The following PSMA3 variants were observed in gnomAD, a reference collection of about 807,000 sequenced individuals.
PSMA3 encodes the protein proteasome 20S subunit alpha 3, also known as proteasome subunit alpha type-3.
In PSMA3, 8 loss-of-function variants were observed where a neutral mutation model predicts 40.0. The observed-to-expected ratio is 0.20, with a 90% CI of 0.12 to 0.36. The LOEUF (loss-of-function observed/expected upper bound fraction) is 0.36. PSMA3 is among the 10% of genes least tolerant of loss of function. The pLI is 1.00. For missense variants in PSMA3, 219 were observed against 310.6 expected (o/e 0.70, Z 2.22); for synonymous variants, 110 against 100.0 (o/e 1.10, Z -0.59).
At chr14:58,263,798 A>G (rs1890352330) in intron 7 of PSMA3, 28 bp downstream of exon 7, 1 of 1,594,402 alleles carries the variant, frequency 6.3e-7, no homozygotes. Context: ...AATTTTTACT[A>G]TGTCGTCATC....
At chr14:58,259,408 G>A (rs964321945) in intron 5 of PSMA3, among the ~76,000 whole-genome samples, 2 of 151,990 alleles carry the variant, frequency 1.3e-5, no homozygotes, top group Non-Finnish European at 2.9e-5. Flanking sequence ...TCTGCCTCCC[G>A]GGTTCAAGCT....
intron 3 of PSMA3, among the ~76,000 whole-genome samples, chr14:58,257,178 G>A (rs1890164181): frequency 6.6e-6 from 1 of 151,420 alleles, no homozygotes; most frequent in Non-Finnish European, 1.5e-5. Flanking sequence ...TAGTAAATCA[G>A]GGGAAGAGGA....
At chr14:58,252,347 A>G (rs897422546) in intron 3 of PSMA3, 105 bp downstream of exon 3, 39 of 1,386,660 alleles carry the variant, frequency 2.8e-5, no homozygotes, top group Non-Finnish European at 3.8e-5. Context: ...AGAGCAAGTT[A>G]CTGCATTTGT....
At chr14:58,252,018 C>A in intron 2 of PSMA3, 101 bp from the exon 3 acceptor site, 2 of 1,177,308 alleles carry the variant, frequency 1.7e-6, no homozygotes, top group Non-Finnish European at 2.4e-6. Context: ...AGGTATTTGG[C>A]ATGCCTTAAA....
intron 1 of PSMA3, 24 bp from the exon 2 acceptor site, chr14:58,247,726 T>C: frequency 6.7e-7 from 1 of 1,486,032 alleles, no homozygotes; most frequent in Non-Finnish European, 9.3e-7. Flanking sequence ...GATACAAGCT[T>C]ACTGTTGCCC....
chr14:58,252,250 C>A lies in PSMA3; in HGVS notation c.228+8C>A. 6.2e-7 allele frequency: 1 copy of A among 1,603,736 alleles called. No individual in the cohort carries two copies. Among genetic ancestry groups the A allele is most frequent in the South Asian group, 1.1e-5 (1 of 88,704 alleles). ...GATCGGCATGTTGGAATGGTAAGGT[C>A]ATGTTTAAAATGTTCCTTTTTGTCT... On this transcript the variant is annotated splice_region_variant and intron_variant, in intron 3 of 10. Coordinates refer to ENST00000216455, the MANE Select transcript of PSMA3 (RefSeq NM_002788.4).
chr14:58,271,813 T>G (rs772149405), intron 10 of PSMA3, 38 bp from the exon 11 acceptor site: 1 of 1,528,040 alleles, frequency 6.5e-7, no homozygotes, highest in Non-Finnish European at 9.0e-7. Context: ...TATAACAATT[T>G]TAAAAATCAA....
intron 8 of PSMA3, among the ~76,000 whole-genome samples, chr14:58,269,294 T>C (rs969376874): frequency 3.9e-5 from 6 of 152,168 alleles, no homozygotes; most frequent in Admixed American, 1.3e-4. Flanking sequence ...TTGCTGTAAT[T>C]TGTAAGGTAC....
At position 58,250,207 on chromosome 14, in the gene PSMA3, G is replaced by A. The variant is rs556491926; in HGVS notation, c.105-1912G>A. On this transcript the variant is annotated intron_variant, in intron 2 of 10. Transcript: ENST00000216455. ...TGTACTCCAGCTGGGGCAACAGAGC[G>A]AGACTCCATCTCCAAAAAAAAAAAA... is the stretch of plus-strand genomic sequence containing the variant. Among the ~76,000 whole-genome samples, 43 of 97,952 alleles carry A rather than the reference G, an allele frequency of 4.4e-4. 1 individual carries two copies. The highest frequency in any genetic ancestry group is 1.8e-3 in the African/African-American group (42 of 23,770). 64.3% of individuals were successfully genotyped at this position (97,952 alleles called of 152,430 possible). A position where few individuals can be genotyped will look rare whatever the true frequency, so the allele number is the denominator to read the frequency against.
At chr14:58,256,416 C>CTTTTTTT (rs377353285) in intron 3 of PSMA3, among the ~76,000 whole-genome samples, 1 of 136,644 alleles carries the variant, frequency 7.3e-6, no homozygotes, top group African/African-American at 2.7e-5. Flanking sequence ...TGAGCATTTC[C>CTTTTTTT]TTTTTTTTTT....
intron 1 of PSMA3, 37 bp downstream of exon 1, chr14:58,244,978 A>G: frequency 6.2e-7 from 1 of 1,613,962 alleles, no homozygotes; most frequent in South Asian, 1.1e-5. Flanking sequence ...AGTTTAACCT[A>G]AGGATTGGGG....
At chr14:58,271,327 CTTT>C (rs60528514) in intron 10 of PSMA3, among the ~76,000 whole-genome samples, 1 of 102,396 alleles carries the variant, frequency 9.8e-6, no homozygotes, top group Non-Finnish European at 1.9e-5. Flanking sequence ...AATATTTGTT[CTTT>C]TTTTTTTTTT....
At chr14:58,271,428 C>A (rs762334263) in intron 10 of PSMA3, among the ~76,000 whole-genome samples, 9 of 144,502 alleles carry the variant, frequency 6.2e-5, no homozygotes, top group East Asian at 2.0e-4. Flanking sequence ...CTCCAGGGTT[C>A]AAGCGATCCT....
intron 2 of PSMA3, among the ~76,000 whole-genome samples, chr14:58,250,393 A>G (rs2140080392): frequency 6.6e-6 from 1 of 152,242 alleles, no homozygotes; most frequent in East Asian, 1.9e-4. Flanking sequence ...ATTCATTTAA[A>G]TAGGCAGTAG....
intron 1 of PSMA3, among the ~76,000 whole-genome samples, chr14:58,247,133 C>G (rs1386998879): frequency 6.6e-6 from 1 of 152,160 alleles, no homozygotes; most frequent in Non-Finnish European, 1.5e-5. Flanking sequence ...ATGGCTAGCT[C>G]CTTGTCATTT....
At chr14:58,264,079 CAT>C (rs1890363604) in intron 7 of PSMA3, among the ~76,000 whole-genome samples, 2 of 152,168 alleles carry the variant, frequency 1.3e-5, no homozygotes, top group Admixed American at 1.3e-4. Flanking sequence ...AAGCTGGTAA[CAT>C]ATTATCTGTA....
At chr14:58,269,332 A>G (rs1343630636) in intron 8 of PSMA3, among the ~76,000 whole-genome samples, 1 of 152,234 alleles carries the variant, frequency 6.6e-6, no homozygotes, top group Non-Finnish European at 1.5e-5. Flanking sequence ...GTTATGTGGC[A>G]TATATGCCAT....
At chr14:58,258,436 TA>T (rs34920620) in intron 5 of PSMA3, 29,020 of 66,562 alleles carry the variant, frequency 0.44, 4,844 homozygotes, top group Middle Eastern at 0.54. Flanking sequence ...TCTGCCTCTT[TA>T]AAAAAAAAAA....
intron 8 of PSMA3, 139 bp downstream of exon 8, chr14:58,267,659 A>G (rs1390881563): frequency 2.4e-6 from 3 of 1,259,788 alleles, no homozygotes; most frequent in Non-Finnish European, 3.0e-6. Flanking sequence ...TAACATTCTA[A>G]GAAGCCTCAC....
Sources: gnomAD v4.1 joint callset for allele counts (sites outside exome capture counted in the v4.1 genomes callset) on GRCh38, gnomAD v4.1.1 for gene constraint, MANE v1.5 for transcripts, NCBI Gene and HGNC (gene_info 2026-07-23, HGNC 2026-07-21) for gene names.